Variants in ZNF385D observed in about 807,000 individuals in gnomAD.
ZNF385D encodes zinc finger protein 385D.
In ZNF385D, 15 loss-of-function variants were observed where a neutral mutation model predicts 35.8. The ratio of observed to expected loss-of-function variants is 0.42; its 90% CI spans 0.28 to 0.64. The LOEUF is 0.64. ZNF385D is among the 30% of genes least tolerant of loss of function. The pLI is 0.23. For synonymous variants in ZNF385D, 212 were observed against 186.8 expected, an observed-to-expected ratio of 1.13 and a Z score of -1.10; for missense variants, 474 against 494.6, an observed-to-expected ratio of 0.96 and a Z score of 0.39.
chr3:21,423,708 C>T (rs1449330521), intron 7 of ZNF385D, among the ~76,000 whole-genome samples: 1 of 152,128 alleles, frequency 6.6e-6, no homozygotes, highest in Non-Finnish European at 1.5e-5. Context: ...AAAAGATATA[C>T]ATGAATTTGT....
In ZNF385D at chr3:22,240,060, G is replaced by A. The variant is rs1699404052; in HGVS notation, c.107-71025C>T. On this transcript the variant is annotated intron_variant, in intron 2 of 5. Transcript: ENST00000494108. ...TACCCAGGTATGGTGGCACATGCCTGTAGTCTCAGCTACTCAGGAGGCTGA... is the reference window on the plus strand; with the variant it reads ...TACCCAGGTATGGTGGCACATGCCTATAGTCTCAGCTACTCAGGAGGCTGA... Among the ~76,000 whole-genome samples, 3 of 149,622 alleles carry A rather than the reference G, an allele frequency of 2.0e-5. No homozygotes were observed. In the South Asian group the frequency reaches 6.7e-4, roughly 33 times the overall value.
intron 2 of ZNF385D, among the ~76,000 whole-genome samples, chr3:22,207,506 A>G (rs1208657694): frequency 6.6e-6 from 1 of 151,980 alleles, no homozygotes; most frequent in Non-Finnish European, 1.5e-5. Context: ...AATATTGGGA[A>G]AACTCTTCCA....
chr3:22,116,382 C>A (rs973026064), intron 3 of ZNF385D, among the ~76,000 whole-genome samples: 2 of 151,912 alleles, frequency 1.3e-5, no homozygotes, highest in Non-Finnish European at 2.9e-5. Flanking sequence ...AAGATTGCTC[C>A]AATTCAAGAA....
intron 3 of ZNF385D, among the ~76,000 whole-genome samples, chr3:22,068,008 C>A (rs1000823621): frequency 3.8e-5 from 4 of 104,394 alleles, no homozygotes; most frequent in African/African-American, 6.3e-5. Context: ...CAAGACTCCA[C>A]TGGAAAAAAA....
At chr3:21,527,339 T>C (rs1708286627) in intron 3 of ZNF385D, among the ~76,000 whole-genome samples, 1 of 152,210 alleles carries the variant, frequency 6.6e-6, no homozygotes, top group Non-Finnish European at 1.5e-5. Flanking sequence ...TAGGGAGAAG[T>C]GCTATACCTT....
rs1036578435 is a variant in ZNF385D at position 21,670,672 on chromosome 3, C to G, written c.23-5644G>C. Among the ~76,000 whole-genome samples the G allele has an allele frequency of 6.1e-4, 13 of 21,204 alleles. 1 individual carries two copies. In the East Asian group the frequency reaches 9.1e-3, roughly 15 times the overall value. The allele number at this position is 21,204 out of a possible 152,430, so 13.9% of individuals were successfully genotyped here. A position where few individuals can be genotyped will look rare whatever the true frequency, so the allele number is the denominator to read the frequency against. On this transcript the variant is annotated intron_variant, in intron 1 of 7. Transcript: ENST00000281523. The stretch of plus-strand genomic sequence containing the variant: ...GGCGCCCCCCCCCCCCCCCCCCCCC[C>G]CAATGACTGAACGAATCCCCTTTGG...
rs895622463 is a variant in ZNF385D, at chr3:21,437,133, T to C, written c.510A>G (p.Thr170=). The C allele has an allele frequency of 8.1e-6, 13 of 1,613,868 alleles. No homozygotes were observed. Among genetic ancestry groups the C allele is most frequent in the African/African-American group, 1.3e-5 (1 of 74,914 alleles). ...TVEIRKSSVM[T]TEITSKVEKS... is the part of the protein sequence containing the mutation. Reference sequence around the variant, plus strand: ...TTTCCACTTTAGAGGTGATCTCAGTTGTCATAACACTGCTTTTGCGGATTT... The same window carrying C: ...TTTCCACTTTAGAGGTGATCTCAGTCGTCATAACACTGCTTTTGCGGATTT... The change falls in exon 5 of 8, where the codon ACA becomes ACG. Residue 170 remains threonine, a synonymous_variant. Transcript: ENST00000281523.
At chr3:21,786,999 C>A (rs959854944) in intron 3 of ZNF385D, among the ~76,000 whole-genome samples, 4 of 152,024 alleles carry the variant, frequency 2.6e-5, no homozygotes, top group African/African-American at 9.7e-5. Flanking sequence ...TTCATTCTTG[C>A]CTGAAACCAC....
intron 3 of ZNF385D, among the ~76,000 whole-genome samples, chr3:21,546,506 T>C (rs994564945): frequency 5.9e-5 from 9 of 151,978 alleles, no homozygotes; most frequent in Non-Finnish European, 1.2e-4. Context: ...AGGACTCAGT[T>C]CCACAGTTTC....
chr3:22,222,012 C>G (rs2638139), intron 2 of ZNF385D, among the ~76,000 whole-genome samples: 132,034 of 151,966 alleles, frequency 0.87, 57,621 homozygotes, highest in East Asian at 0.97. Flanking sequence ...AGTCTCATTC[C>G]ATCGTCCAGG....
intron 3 of ZNF385D, among the ~76,000 whole-genome samples, chr3:21,951,291 T>G (rs1277806122): frequency 6.6e-6 from 1 of 151,682 alleles, no homozygotes. Flanking sequence ...CCTAGGTGTT[T>G]TATTCTCTTT....
Position 21,811,381 on chromosome 3 carries a change from A to G in ZNF385D, c.326-146353T>C, listed in dbSNP as rs1456670208. 5.9e-5 allele frequency among the ~76,000 whole-genome samples: 9 copies of G among 152,168 alleles called. No homozygotes were observed. The East Asian group carries it at 1.7e-3, about 29-fold the overall frequency. On this transcript the variant is annotated intron_variant, in intron 3 of 5. Transcript: ENST00000494108. ...TCAAGAGACCAGAATATAGGAAGCA[A>G]GAAGTTTATCAAAGACTATTATAGT...
intron 3 of ZNF385D, among the ~76,000 whole-genome samples, chr3:22,125,273 T>C (rs1234177591): frequency 6.6e-6 from 1 of 152,174 alleles, no homozygotes; most frequent in Admixed American, 6.5e-5. Flanking sequence ...CACTAGTGTA[T>C]GCATCTGTTT....
intron 1 of ZNF385D, among the ~76,000 whole-genome samples, chr3:21,717,086 T>A (rs1361157913): frequency 6.6e-6 from 1 of 152,260 alleles, no homozygotes; most frequent in Admixed American, 6.5e-5. Context: ...AGAGCCAAGA[T>A]TGCGCCACTG....
intron 3 of ZNF385D, among the ~76,000 whole-genome samples, chr3:22,143,112 T>C (rs1011482107): frequency 4.7e-5 from 7 of 147,512 alleles, no homozygotes; most frequent in African/African-American, 1.8e-4. Flanking sequence ...TGACGGAGTC[T>C]CACTCTGTCG....
At chr3:21,676,893 C>T (rs769392515) in intron 1 of ZNF385D, among the ~76,000 whole-genome samples, 5 of 151,826 alleles carry the variant, frequency 3.3e-5, no homozygotes, top group Admixed American at 6.6e-5. Context: ...CAGAAATGTC[C>T]TCCAAGGAAA....
At chr3:21,650,635 A>G (rs1384454079) in intron 2 of ZNF385D, among the ~76,000 whole-genome samples, 1 of 152,204 alleles carries the variant, frequency 6.6e-6, no homozygotes, top group Non-Finnish European at 1.5e-5. Flanking sequence ...AATAACATAT[A>G]TAATGTATCA....
intron 4 of ZNF385D, among the ~76,000 whole-genome samples, chr3:21,462,898 C>G (rs1307159383): frequency 6.6e-6 from 1 of 152,164 alleles, no homozygotes; most frequent in Non-Finnish European, 1.5e-5. Flanking sequence ...AGCAGAATCA[C>G]TCGAACCAGG....
intron 3 of ZNF385D, among the ~76,000 whole-genome samples, chr3:22,118,069 C>G (rs1702899312): frequency 6.6e-6 from 1 of 151,970 alleles, no homozygotes; most frequent in South Asian, 2.1e-4. Flanking sequence ...TATTTTTATG[C>G]AGAATATCGC....
Sources: gnomAD v4.1 joint callset for allele counts (sites outside exome capture counted in the v4.1 genomes callset) on GRCh38, gnomAD v4.1.1 for gene constraint, MANE v1.5 for transcripts, NCBI Gene and HGNC (gene_info 2026-07-23, HGNC 2026-07-21) for gene names.